RAC1: variants seen among roughly 807,000 people sequenced by gnomAD.
The protein encoded by RAC1 is Rac family small GTPase 1.
RAC1 carries 2 observed loss-of-function variants against 25.2 expected under a neutral mutation model. The observed-to-expected ratio is 0.08, with a 90% CI of 0.03 to 0.25. The LOEUF (loss-of-function observed/expected upper bound fraction) is 0.25. Ranked by LOEUF, RAC1 falls within the 10% of genes least tolerant of loss-of-function variation. The pLI, the probability that RAC1 is intolerant of heterozygous loss-of-function variation, is 1.00. For synonymous variants in RAC1, 88 were observed against 94.0 expected (o/e 0.94, Z 0.37); for missense variants, 50 against 235.7 (o/e 0.21, Z 5.16).
chr7:6,396,341 C>T (rs1046699303), intron 3 of RAC1, among the ~76,000 whole-genome samples: 3 of 152,110 alleles, frequency 2.0e-5, no homozygotes, highest in African/African-American at 4.8e-5. Context: ...AGCGTCAGGA[C>T]AGCGACGGCC....
chr7:6,388,328 G>A (rs1049001681), intron 2 of RAC1, among the ~76,000 whole-genome samples: 1 of 139,762 alleles, frequency 7.2e-6, no homozygotes, highest in Non-Finnish European at 1.6e-5. Flanking sequence ...TGTTTTTGTT[G>A]TTGTTGTTGT....
chr7:6,387,132 T>C, intron 1 of RAC1, 80 bp from the exon 2 acceptor site: 1 of 950,434 alleles, frequency 1.1e-6, no homozygotes, highest in Non-Finnish European at 1.6e-6. Context: ...TTTTTTTCTC[T>C]AGAAATTATT....
chr7:6,397,704 A>G (rs1186953110), intron 3 of RAC1, among the ~76,000 whole-genome samples: 5 of 152,154 alleles, frequency 3.3e-5, no homozygotes, highest in Admixed American at 1.3e-4. Context: ...AAATTTGTCC[A>G]TGGCTGAAAG....
chr7:6,401,682 TG>T (rs1783407357), intron 4 of RAC1, 185 bp from the exon 5 acceptor site: 1 of 516,260 alleles, frequency 1.9e-6, no homozygotes. Context: ...AGCTTGCTAA[TG>T]GAACACCTGA....
intron 3 of RAC1, among the ~76,000 whole-genome samples, chr7:6,395,556 A>G (rs1233636268): frequency 1.3e-5 from 2 of 152,126 alleles, no homozygotes; most frequent in Non-Finnish European, 2.9e-5. Flanking sequence ...TTGTATGATG[A>G]TCTTGGATTT....
chr7:6,379,421 C>T (rs952169189), intron 1 of RAC1, among the ~76,000 whole-genome samples: 4 of 151,904 alleles, frequency 2.6e-5, no homozygotes, highest in South Asian at 2.1e-4. Flanking sequence ...ATTACAGTCA[C>T]GCTCCACCAC....
At chr7:6,382,078 C>G (rs1255575683) in intron 1 of RAC1, among the ~76,000 whole-genome samples, 2 of 152,128 alleles carry the variant, frequency 1.3e-5, no homozygotes, top group African/African-American at 4.8e-5. Flanking sequence ...ACTGCAACCT[C>G]TACCCCGTGG....
intron 4 of RAC1, 96 bp downstream of exon 4, chr7:6,400,284 T>G (rs1242624128): frequency 7.9e-6 from 10 of 1,270,342 alleles, no homozygotes; most frequent in Non-Finnish European, 1.1e-5. Context: ...TTTTTAGTTA[T>G]TTAAATTGGT....
In RAC1 at chr7:6,403,002, G is replaced by A. The variant is rs927529916; in HGVS notation, c.*556G>A. ...AACATTGTACTGTAATGGAGTGAGC[G>A]TAGCAGCTCAGCTCTTTGGATCAGT... On this transcript the variant is annotated 3_prime_UTR_variant, in exon 6 of 6. Coordinates refer to ENST00000348035, the MANE Select transcript of RAC1 (RefSeq NM_006908.5). 2.1e-5 allele frequency: 4 copies of A among 192,898 alleles called. No homozygotes were observed. Among genetic ancestry groups the A allele is most frequent in the African/African-American group, 4.6e-5 (2 of 43,094 alleles). The allele number at this position is 192,898 out of a possible 1,614,324, so 11.9% of individuals were successfully genotyped here.
chr7:6,403,147 T>C lies in RAC1; in HGVS notation c.*701T>C. On this transcript the variant is annotated 3_prime_UTR_variant, in exon 6 of 6. Coordinates refer to ENST00000348035, the MANE Select transcript of RAC1 (RefSeq NM_006908.5). ...GGTGTGCCGGGTGGGGTGTGTGTGATCAAAGGACAAAGACAGTATTTTGAC... is the reference window on the plus strand; with the variant it reads ...GGTGTGCCGGGTGGGGTGTGTGTGACCAAAGGACAAAGACAGTATTTTGAC... 4.6e-6 allele frequency: 1 copy of C among 217,248 alleles called. No homozygotes were observed. Among genetic ancestry groups the C allele is most frequent in the Non-Finnish European group, 9.3e-6 (1 of 107,766 alleles). The allele number at this position is 217,248 out of a possible 1,614,324, so 13.5% of individuals were successfully genotyped here.
intron 1 of RAC1, among the ~76,000 whole-genome samples, chr7:6,378,117 C>G (rs1053621399): frequency 6.6e-6 from 1 of 152,104 alleles, no homozygotes; most frequent in Non-Finnish European, 1.5e-5. Context: ...GGATGCCTTG[C>G]CATCTTGTTT....
At chr7:6,391,174 A>C (rs567927260) in intron 2 of RAC1, among the ~76,000 whole-genome samples, 96 of 151,358 alleles carry the variant, frequency 6.3e-4, no homozygotes, top group African/African-American at 2.1e-3. Flanking sequence ...CTGGGATTAC[A>C]GGCGTGAGCC....
rs878865271 is a variant in RAC1, at chr7:6,400,094, T to G, written c.226-32T>G. On this transcript the variant is annotated intron_variant, in intron 3 of 5. Transcript: ENST00000348035. ...TGCATGCTTCATTCTAAGGTTGTTG[T>G]CTAAATGTTTCCCTGTGTTTCCTTT... 7.6e-6 allele frequency: 12 copies of G among 1,573,200 alleles called. No individual in the cohort carries two copies. The South Asian group carries it at 1.2e-4, about 16-fold the overall frequency.
chr7:6,400,980 A>G (rs1413182110), intron 4 of RAC1, among the ~76,000 whole-genome samples: 1 of 151,684 alleles, frequency 6.6e-6, no homozygotes, highest in Non-Finnish European at 1.5e-5. Flanking sequence ...CGGCTGAGAC[A>G]GAATCTTGCA....
At chr7:6,383,307 T>C (rs1782825661) in intron 1 of RAC1, among the ~76,000 whole-genome samples, 1 of 152,226 alleles carries the variant, frequency 6.6e-6, no homozygotes, top group South Asian at 2.1e-4. Context: ...GAATATACAC[T>C]AATAGGAGTG....
At chr7:6,395,570 A>C (rs1031992323) in intron 3 of RAC1, among the ~76,000 whole-genome samples, 2 of 152,214 alleles carry the variant, frequency 1.3e-5, no homozygotes, top group Admixed American at 1.3e-4. Flanking sequence ...TGGATTTGTC[A>C]CTACTTAGAA....
chr7:6,379,929 G>A (rs1782718350), intron 1 of RAC1, among the ~76,000 whole-genome samples: 1 of 152,050 alleles, frequency 6.6e-6, no homozygotes, highest in Non-Finnish European at 1.5e-5. Flanking sequence ...TATTTTAATA[G>A]TGTTGTTTTG....
intron 2 of RAC1, among the ~76,000 whole-genome samples, chr7:6,388,246 G>T (rs915973692): frequency 4.0e-5 from 6 of 151,640 alleles, no homozygotes; most frequent in African/African-American, 1.2e-4. Context: ...GGGAGGTGTC[G>T]CCTCCTCCCC....
At chr7:6,389,326 G>A (rs1289757867) in intron 2 of RAC1, among the ~76,000 whole-genome samples, 1 of 152,020 alleles carries the variant, frequency 6.6e-6, no homozygotes, top group African/African-American at 2.4e-5. Context: ...CATTAACGTG[G>A]GTTGAAGTTA....
Sources: gnomAD v4.1 joint callset for allele counts (sites outside exome capture counted in the v4.1 genomes callset) on GRCh38, gnomAD v4.1.1 for gene constraint, MANE v1.5 for transcripts, NCBI Gene and HGNC (gene_info 2026-07-23, HGNC 2026-07-21) for gene names.